The following CNBD1 variants were observed in gnomAD, a reference collection of about 807,000 sequenced individuals.
The protein encoded by CNBD1 is cyclic nucleotide binding domain containing 1, also known as cyclic nucleotide-binding domain-containing protein 1.
Under a neutral mutation model 54.4 loss-of-function variants are expected in CNBD1, and 71 were observed. That is an observed-to-expected ratio of 1.30 (90% CI 1.08 to 1.59). The LOEUF is 1.59. CNBD1 is among the 40% of genes most tolerant of loss of function. CNBD1 has a pLI of 0.00. For missense variants in CNBD1, 659 were observed against 518.0 expected (o/e 1.27, Z -2.64); for synonymous variants, 182 against 170.7 (o/e 1.07, Z -0.51).
At chr8:87,099,809 A>G (rs1286216549) in intron 4 of CNBD1, among the ~76,000 whole-genome samples, 1 of 152,234 alleles carries the variant, frequency 6.6e-6, no homozygotes, top group Non-Finnish European at 1.5e-5. Flanking sequence ...GAGAATTTAA[A>G]TAGGCAGTTG....
At chr8:87,255,993 A>ATATATATG (rs1283296664) in intron 6 of CNBD1, among the ~76,000 whole-genome samples, 2 of 12,758 alleles carry the variant, frequency 1.6e-4, no homozygotes, top group East Asian at 3.3e-3. Flanking sequence ...ATATATATAT[A>ATATATATG]TATATATATA....
intron 7 of CNBD1, 110 bp downstream of exon 7, chr8:87,284,925 T>C (rs944327369): frequency 8.6e-6 from 7 of 810,322 alleles, no homozygotes; most frequent in Non-Finnish European, 1.3e-5. Context: ...TAAATTTTAA[T>C]TTAACCTAGA....
intron 8 of CNBD1, among the ~76,000 whole-genome samples, chr8:87,301,493 C>G (rs1808991481): frequency 1.3e-5 from 2 of 152,078 alleles, no homozygotes; most frequent in Non-Finnish European, 2.9e-5. Flanking sequence ...AAAAGATAAT[C>G]TGCCATGATA....
intron 8 of CNBD1, among the ~76,000 whole-genome samples, chr8:87,297,523 TTAAC>T (rs1357478373): frequency 5.3e-5 from 8 of 152,178 alleles, no homozygotes; most frequent in African/African-American, 1.2e-4. Flanking sequence ...TGTGTAAAGA[TTAAC>T]TATTATTTCT....
At chr8:87,030,038 AT>A (rs1235102537) in intron 4 of CNBD1, among the ~76,000 whole-genome samples, 1 of 152,198 alleles carries the variant, frequency 6.6e-6, no homozygotes, top group African/African-American at 2.4e-5. Context: ...TGTTCATTGA[AT>A]TTAACACATC....
intron 3 of CNBD1, among the ~76,000 whole-genome samples, chr8:86,912,799 C>G (rs1049029191): frequency 7.9e-5 from 12 of 152,180 alleles, no homozygotes; most frequent in Admixed American, 3.3e-4. Context: ...AATGACAGCT[C>G]TGTGTGTGTT....
intron 8 of CNBD1, among the ~76,000 whole-genome samples, chr8:87,314,896 C>T (rs1159839212): frequency 1.3e-5 from 2 of 152,000 alleles, no homozygotes; most frequent in African/African-American, 4.8e-5. Flanking sequence ...TCAGACAGAA[C>T]TTGTTCTTGG....
intron 4 of CNBD1, among the ~76,000 whole-genome samples, chr8:87,178,784 C>T (rs1343018526): frequency 1.3e-5 from 2 of 152,300 alleles, no homozygotes; most frequent in African/African-American, 4.8e-5. Context: ...GTCCAGAATA[C>T]ACAGGGCTTT....
At chr8:86,934,008 TA>T (rs1809502238) in intron 3 of CNBD1, among the ~76,000 whole-genome samples, 1 of 152,278 alleles carries the variant, frequency 6.6e-6, no homozygotes, top group African/African-American at 2.4e-5. Flanking sequence ...CTTGATAGGA[TA>T]AAAACATTTT....
At chr8:87,183,926 C>T (rs934929045) in intron 4 of CNBD1, among the ~76,000 whole-genome samples, 15 of 152,148 alleles carry the variant, frequency 9.9e-5, no homozygotes, top group Admixed American at 5.2e-4. Context: ...TGGGGCATTC[C>T]CAGTTCACTG....
chr8:86,987,981 G>T (rs116310214), intron 4 of CNBD1, among the ~76,000 whole-genome samples: 1 of 151,970 alleles, frequency 6.6e-6, no homozygotes, highest in African/African-American at 2.4e-5. Context: ...CAGTCTTCCC[G>T]ATTTTGGTAT....
intron 4 of CNBD1, among the ~76,000 whole-genome samples, chr8:87,032,945 A>T (rs997376871): frequency 2.6e-5 from 4 of 152,162 alleles, no homozygotes; most frequent in African/African-American, 9.7e-5. Context: ...TTTCGTCAAG[A>T]TTCATATCTT....
At chr8:87,299,758 A>G (rs1353703956) in intron 8 of CNBD1, among the ~76,000 whole-genome samples, 1 of 152,200 alleles carries the variant, frequency 6.6e-6, no homozygotes, top group Non-Finnish European at 1.5e-5. Context: ...CTACTTTCTC[A>G]TGGCAGATGT....
chr8:86,956,555 T>G (rs1807776736), intron 4 of CNBD1, among the ~76,000 whole-genome samples: 1 of 152,222 alleles, frequency 6.6e-6, no homozygotes, highest in African/African-American at 2.4e-5. Context: ...ATATCCCTTG[T>G]AAGTTGGATT....
chr8:86,984,480 G>A (rs1045239299), intron 4 of CNBD1, among the ~76,000 whole-genome samples: 15 of 152,118 alleles, frequency 9.9e-5, no homozygotes, highest in African/African-American at 3.4e-4. Context: ...ATCTTGCACT[G>A]TGTGTCTGGA....
intron 4 of CNBD1, among the ~76,000 whole-genome samples, chr8:86,990,344 T>G (rs1345584017): frequency 6.6e-6 from 1 of 152,198 alleles, no homozygotes; most frequent in Non-Finnish European, 1.5e-5. Context: ...TAGATTTAAA[T>G]CTTTAATTCA....
At chr8:86,979,599 A>C (rs1289479717) in intron 4 of CNBD1, among the ~76,000 whole-genome samples, 1 of 152,072 alleles carries the variant, frequency 6.6e-6, no homozygotes, top group Non-Finnish European at 1.5e-5. Context: ...AAAAAAAATT[A>C]AAATTCACAC....
chr8:87,107,311 C>G (rs1373163594), intron 4 of CNBD1, among the ~76,000 whole-genome samples: 3 of 152,188 alleles, frequency 2.0e-5, no homozygotes, highest in Admixed American at 6.5e-5. Flanking sequence ...TTCCAACTTT[C>G]CACTTGCTCC....
chr8:87,023,667 T>A (rs992000984), intron 4 of CNBD1, among the ~76,000 whole-genome samples: 10 of 152,206 alleles, frequency 6.6e-5, no homozygotes, highest in Non-Finnish European at 1.3e-4. Flanking sequence ...CTTCCTTGTG[T>A]TCCTGGATAC....
Sources: allele counts gnomAD v4.1 joint callset (sites outside exome capture counted in the v4.1 genomes callset), GRCh38; gene constraint gnomAD v4.1.1; transcripts MANE v1.5; gene names NCBI Gene and HGNC (gene_info 2026-07-23, HGNC 2026-07-21).